HK1: variants seen among roughly 807,000 people sequenced by gnomAD.
HK1 encodes the protein hexokinase-1.
HK1 carries 28 observed loss-of-function variants against 91.6 expected under a neutral mutation model. The ratio of observed to expected loss-of-function variants is 0.31; its 90% CI spans 0.23 to 0.42. HK1 has a LOEUF of 0.42. Among genes scored for constraint, HK1 ranks in the 10% least tolerant of loss-of-function variants. HK1 has a pLI of 1.00. For missense variants in HK1, 770 were observed against 1,219.8 expected, an observed-to-expected ratio of 0.63 and a Z score of 5.49; for synonymous variants, 430 against 468.1, an observed-to-expected ratio of 0.92 and a Z score of 1.05.
chr10:69,386,292 C>T (rs180879782), intron 12 of HK1, 31 bp from the exon 13 acceptor site: 6 of 1,574,024 alleles, frequency 3.8e-6, no homozygotes, highest in African/African-American at 2.7e-5. Context: ...GTTAATTACA[C>T]AGGACTCTCC....
intron 4 of HK1, among the ~76,000 whole-genome samples, chr10:69,297,261 T>C (rs1426026273): frequency 3.9e-5 from 6 of 152,190 alleles, no homozygotes; most frequent in South Asian, 2.1e-4. Flanking sequence ...ATAGATTTAC[T>C]ATTCTTTAAG....
intron 17 of HK1, among the ~76,000 whole-genome samples, chr10:69,399,539 C>G (rs1840293622): frequency 6.6e-6 from 1 of 152,042 alleles, no homozygotes; most frequent in African/African-American, 2.4e-5. Context: ...AGGAGGATAG[C>G]CACTCTCTTG....
intron 1 of HK1, among the ~76,000 whole-genome samples, chr10:69,322,204 T>A (rs1009956544): frequency 1.1e-4 from 16 of 152,192 alleles, no homozygotes; most frequent in African/African-American, 3.6e-4. Context: ...CTTGTCAGAA[T>A]GGTGAGCAAA....
chr10:69,281,930 G>A (rs1360781683), intron 1 of HK1, among the ~76,000 whole-genome samples: 1 of 152,202 alleles, frequency 6.6e-6, no homozygotes, highest in African/African-American at 2.4e-5. Flanking sequence ...TGGCCACAGA[G>A]TGGGCATTTC....
In HK1 at chr10:69,389,536, C is replaced by T. The variant is rs1839801684; in HGVS notation, c.2035+240C>T. 13 of 534,216 alleles carry T rather than the reference C, an allele frequency of 2.4e-5. 1 individual carries two copies. The Admixed American group carries it at 3.1e-4, about 13-fold the overall frequency. The allele number at this position is 534,216 out of a possible 1,614,324, so 33.1% of individuals were successfully genotyped here. On this transcript the variant is annotated intron_variant, in intron 14 of 17. Transcript: ENST00000359426. The stretch of plus-strand genomic sequence containing the variant: ...TACACATTGCTTATGATCAGACTGT[C>T]AAGAACTGAACTCTTCAGGAATGAG...
chr10:69,388,972 GGGTAGAATACTTTCCCTTCCT>G lies in HK1; in HGVS notation c.1936-224_1936-204del, dbSNP rs1362067294. Among the ~76,000 whole-genome samples the G allele has an allele frequency of 2.4e-3, 359 of 152,266 alleles. 1 individual carries two copies. The highest frequency in any genetic ancestry group is 8.0e-3 in the African/African-American group (334 of 41,554). On this transcript the variant is annotated intron_variant, in intron 13 of 17. Coordinates refer to ENST00000359426, the MANE Select transcript of HK1 (RefSeq NM_000188.3). ...CTAATAGTATCATCATCTGTAAAATGGGTAGAATACTTTCCCTTCCTTAGATCTCATGTTTCAGATATATCC... is the reference window on the plus strand; with the variant it reads ...CTAATAGTATCATCATCTGTAAAATGTAGATCTCATGTTTCAGATATATCC...
chr10:69,399,507 A>G (rs909616904), intron 17 of HK1, among the ~76,000 whole-genome samples: 2 of 152,088 alleles, frequency 1.3e-5, no homozygotes, highest in Admixed American at 6.5e-5. Context: ...GTGAGACCCT[A>G]TTTCAAAAAA....
At chr10:69,290,391 T>C (rs962365107) in intron 3 of HK1, among the ~76,000 whole-genome samples, 2 of 152,186 alleles carry the variant, frequency 1.3e-5, no homozygotes, top group African/African-American at 4.8e-5. Flanking sequence ...TTTCCCTCAG[T>C]CCTACAAGAG....
At chr10:69,327,623 G>A (rs375320698) in intron 1 of HK1, among the ~76,000 whole-genome samples, 4 of 152,080 alleles carry the variant, frequency 2.6e-5, no homozygotes, top group African/African-American at 4.8e-5. Context: ...AGATGTGTGC[G>A]TTTTCCCATA....
At chr10:69,338,158 C>A in intron 1 of HK1, 1 of 853,422 alleles carries the variant, frequency 1.2e-6, no homozygotes, top group Non-Finnish European at 1.4e-6. Context: ...CCCCCTTGGT[C>A]CACAAGAAGG....
chr10:69,389,446 GACGAAGGCAGCAGAGTCTCTGGC>G, intron 14 of HK1, 150 bp downstream of exon 14: 1 of 516,168 alleles, frequency 1.9e-6, no homozygotes, highest in Non-Finnish European at 3.8e-6. Flanking sequence ...TTCAGGGCTG[GACGAAGGCAGCAGAGTCTCTGGC>G]GGGGGGAGGT....
chr10:69,327,956 GC>G (rs1302760161), intron 1 of HK1, among the ~76,000 whole-genome samples: 1 of 152,194 alleles, frequency 6.6e-6, no homozygotes, highest in African/African-American at 2.4e-5. Flanking sequence ...GCAGGGAAAG[GC>G]TTAGGATGGC....
At chr10:69,318,279 G>C (rs1188117146), upstream of HK1, 10 of 958,652 alleles carry the variant, frequency 1.0e-5, no homozygotes, top group East Asian at 1.0e-3. Flanking sequence ...CGCGGGACCC[G>C]GGTGCGAGGA....
At chr10:69,336,317 A>T (rs112159422) in intron 1 of HK1, among the ~76,000 whole-genome samples, 533 of 151,648 alleles carry the variant, frequency 3.5e-3, no homozygotes, top group Non-Finnish European at 5.6e-3. Flanking sequence ...TCACCCTCCC[A>T]AGTAGCTGGG....
intron 3 of HK1, 30 bp downstream of exon 3, chr10:69,360,075 G>C: frequency 6.2e-7 from 1 of 1,610,950 alleles, no homozygotes; most frequent in Non-Finnish European, 8.5e-7. Flanking sequence ...GGGTCACCCC[G>C]TCGGGCCAGC....
Position 69,289,461 on chromosome 10 carries a change from A to ATT in HK1, c.-115+718_-115+719dup, listed in dbSNP as rs67564699. ...GGGCTTCTGCCCATTAAAAAAAAAA[A>ATT]TTTTTTTTTTTTTTTTTTTTTTTTT... On this transcript the variant is annotated intron_variant, in intron 3 of 21. Transcript: ENST00000360289. 3.8e-3 allele frequency among the ~76,000 whole-genome samples: 424 copies of ATT among 112,686 alleles called. 3 individuals are homozygous for ATT. Among genetic ancestry groups the ATT allele is most frequent in the African/African-American group, 0.013 (329 of 25,574 alleles). 73.9% of individuals were successfully genotyped at this position (112,686 alleles called of 152,430 possible). A position where few individuals can be genotyped will look rare whatever the true frequency, so the allele number is the denominator to read the frequency against.
chr10:69,394,576 G>C (rs1840050566), intron 15 of HK1, among the ~76,000 whole-genome samples: 1 of 152,126 alleles, frequency 6.6e-6, no homozygotes, highest in African/African-American at 2.4e-5. Flanking sequence ...GAGCTCAGGT[G>C]TGTTGTGAAG....
In HK1 at chr10:69,380,980, T is replaced by A. The variant is rs980715147; in HGVS notation, c.1265+885T>A. ...TACTGCACCTTCACACCCAGTTCTG[T>A]TGATGGCTCAAAGAATGTCGACTTC... On this transcript the variant is annotated intron_variant, in intron 9 of 17. Coordinates refer to ENST00000359426, the MANE Select transcript of HK1 (RefSeq NM_000188.3). This position sits in a 1 kb window ranked among gnomAD's most constrained non-coding sequence, Gnocchi z 4.0. 2.1e-4 allele frequency among the ~76,000 whole-genome samples: 32 copies of A among 152,194 alleles called. No homozygotes were observed. Among genetic ancestry groups the A allele is most frequent in the Admixed American group, 1.1e-3 (17 of 15,270 alleles).
At chr10:69,303,593 C>T (rs1845977842) in intron 5 of HK1, among the ~76,000 whole-genome samples, 1 of 152,124 alleles carries the variant, frequency 6.6e-6, no homozygotes, top group Non-Finnish European at 1.5e-5. Context: ...AAGTAGGCGG[C>T]CACTTGGACT....
Sources: gnomAD v4.1 joint callset for allele counts (sites outside exome capture counted in the v4.1 genomes callset) on GRCh38, gnomAD v4.1.1 for gene constraint, Gnocchi (gnomAD v3.1) non-coding constraint, MANE v1.5 for transcripts, NCBI Gene and HGNC (gene_info 2026-07-23, HGNC 2026-07-21) for gene names.